The following LAMA1 variants were observed in gnomAD, a reference collection of about 807,000 sequenced individuals.
LAMA1 encodes the protein laminin subunit alpha 1, also known as laminin subunit alpha-1.
A neutral mutation model predicts 348.7 loss-of-function variants in LAMA1; 219 were observed. That is an observed-to-expected ratio of 0.63 (90% confidence interval 0.56 to 0.70). The LOEUF (loss-of-function observed/expected upper bound fraction) is 0.70. Ranked by LOEUF, LAMA1 falls within the 30% of genes least tolerant of loss-of-function variation. The probability of loss-of-function intolerance (pLI) is 0.00; values close to 1 mark genes in which losing one functional copy is unlikely to be tolerated. For missense variants in LAMA1, 3,744 were observed against 3,888.0 expected (o/e 0.96, Z 0.99); for synonymous variants, 1,487 against 1,491.0 (o/e 1.00, Z 0.06).
intron 1 of LAMA1, among the ~76,000 whole-genome samples, chr18:7,109,008 G>A (rs573880066): frequency 6.6e-6 from 1 of 152,184 alleles, no homozygotes; most frequent in African/African-American, 2.4e-5. Flanking sequence ...GAAACCCAAA[G>A]GGTCTGCTTG....
At position 7,017,211 on chromosome 18, in the gene LAMA1, T is replaced by C. The variant is rs1600396134; in HGVS notation, c.2808+67A>G. The C allele has an allele frequency of 3.9e-6, 5 of 1,271,766 alleles. No homozygotes were observed. In the East Asian group the frequency reaches 1.2e-4, roughly 30 times the overall value. 78.8% of individuals were successfully genotyped at this position (1,271,766 alleles called of 1,614,324 possible). Reference sequence around the variant, plus strand: ...CTAATACACTTGGGGACTTAGCTCCTTCTGAGTCATGGATTCAATCGCCTC... The same window carrying C: ...CTAATACACTTGGGGACTTAGCTCCCTCTGAGTCATGGATTCAATCGCCTC... On this transcript the variant is annotated intron_variant, in intron 20 of 62. Coordinates refer to ENST00000389658, the MANE Select transcript of LAMA1 (RefSeq NM_005559.4).
chr18:7,085,047 TTC>T lies in LAMA1; in HGVS notation c.62-4592_62-4591del, dbSNP rs201892293. ...TTTTCCATTTTGGAAAAAAAAAAGT[TTC>T]TGAGTTCTAGAAAATGTTGTATTTG... On this transcript the variant is annotated intron_variant, in intron 1 of 62. Transcript: ENST00000389658. Among the ~76,000 whole-genome samples the T allele has an allele frequency of 8.6e-3, 1,307 of 152,212 alleles. 21 individuals carry two copies. The highest frequency in any genetic ancestry group is 0.03 in the African/African-American group (1,247 of 41,522).
At chr18:7,007,087 A>G in intron 29 of LAMA1, 52 bp downstream of exon 29, 1 of 1,606,926 alleles carries the variant, frequency 6.2e-7, no homozygotes, top group Non-Finnish European at 8.5e-7. Flanking sequence ...TCTGACACTC[A>G]GCGTCCACTT....
chr18:7,006,794 T>C (rs768903791), intron 29 of LAMA1, among the ~76,000 whole-genome samples: 7 of 152,240 alleles, frequency 4.6e-5, no homozygotes, highest in Middle Eastern at 3.4e-3. Flanking sequence ...ATAACTAACA[T>C]AGAAAAGGTA....
At chr18:7,019,613 T>C (rs1392343724) in intron 19 of LAMA1, among the ~76,000 whole-genome samples, 3 of 151,974 alleles carry the variant, frequency 2.0e-5, no homozygotes, top group Admixed American at 6.6e-5. Flanking sequence ...TTAGATAACT[T>C]TCCATAGGTC....
At chr18:7,042,074 T>C in intron 9 of LAMA1, 71 bp downstream of exon 9, 1 of 1,006,462 alleles carries the variant, frequency 9.9e-7, no homozygotes, top group Non-Finnish European at 1.5e-6. Flanking sequence ...TTACCATTAG[T>C]TCCAGTATGT....
At position 7,049,253 on chromosome 18, in the gene LAMA1, T is replaced by A. The variant is rs995545164; in HGVS notation, c.593A>T (p.His198Leu). Residue 198 changes from histidine (H) to leucine (L), a missense_variant, in exon 5 of 63, where the codon CAT (histidine) becomes CTT (leucine). This residue lies in a region of LAMA1 where 1,529 missense variants were observed against 1,689.4 expected (regional missense o/e 0.91). Transcript: ENST00000389658. ...RLVPLEHGEI[H>L]TSLINGRPSA... Reference sequence around the variant, plus strand: ...TGGTCTGCCATTGATGAGTGATGTATGAATCTGAAGATGAAGGCATCAAAA... The same window carrying A: ...TGGTCTGCCATTGATGAGTGATGTAAGAATCTGAAGATGAAGGCATCAAAA... 4 of 1,613,670 alleles carry A rather than the reference T, an allele frequency of 2.5e-6. No homozygotes were observed. The highest frequency in any genetic ancestry group is 3.4e-6 in the Non-Finnish European group (4 of 1,179,680).
Position 7,037,641 on chromosome 18 carries a change from C to G in LAMA1, c.1674G>C (p.Ala558=), listed in dbSNP as rs779404663. 1.6e-5 allele frequency: 26 copies of G among 1,614,020 alleles called. No homozygotes were observed. The highest frequency in any genetic ancestry group is 2.1e-5 in the Non-Finnish European group (25 of 1,180,040). Reference sequence around the variant, plus strand: ...ACTTGGGAGCCAGTCTCTGCATGACCGCGGTGTTGTTGATGCTGACCTGAT... The same window carrying G: ...ACTTGGGAGCCAGTCTCTGCATGACGGCGGTGTTGTTGATGCTGACCTGAT... ...GRHQVSINNT[A]VMQRLAPKYY... The change falls in exon 12 of 63, where the codon GCG becomes GCC. Residue 558 remains alanine, a synonymous_variant. Transcript: ENST00000389658.
rs758330376 is a variant in LAMA1, at chr18:7,038,852, G to A, written c.1521C>T (p.Gly507=). 25 of 1,614,052 alleles carry A rather than the reference G, an allele frequency of 1.5e-5. No individual in the cohort carries two copies. In the East Asian group the frequency reaches 4.5e-4, roughly 29 times the overall value. Reference sequence around the variant, plus strand: ...AGAGGCTGCTGCAGACATCAGAAACGCCAAAGCAGAAGCACTCGGAGCAGC... The same window carrying A: ...AGAGGCTGCTGCAGACATCAGAAACACCAAAGCAGAAGCACTCGGAGCAGC... The part of the protein sequence containing the change: ...PRGCSECFCF[G]VSDVCSSLSW... The change falls in exon 11 of 63, where the codon GGC becomes GGT. Residue 507 remains glycine (G), a synonymous_variant. Transcript: ENST00000389658.
At position 7,002,348 on chromosome 18, in the gene LAMA1, A is replaced by G. The variant is rs1257306214; in HGVS notation, c.4298T>C (p.Val1433Ala). 3 of 1,613,744 alleles carry G rather than the reference A, an allele frequency of 1.9e-6. No individual in the cohort carries two copies. The highest frequency in any genetic ancestry group is 2.5e-6 in the Non-Finnish European group (3 of 1,180,036). Residue 1433 changes from valine (V) to alanine (A), a missense_variant, in exon 30 of 63, where the codon GTG (valine) becomes GCG (alanine). Around this residue, in one of 3 missense-constraint regions of LAMA1, gnomAD observed 1,983 missense variants for 1,934.3 expected, o/e 1.03. Transcript: ENST00000389658. ...GDNTAGDHCD[V>A]CTSGYYGKVT... is the part of the protein sequence containing the mutation. ...CTTCCCGTAGTAGCCAGAAGTACAC[A>G]CATCACAATGGTCACCTGCTGTGTT... is the stretch of plus-strand genomic sequence containing the variant.
chr18:6,978,003 T>C lies in LAMA1; in HGVS notation c.6191-122A>G, dbSNP rs139349472. The C allele has an allele frequency of 6.6e-5, 85 of 1,296,526 alleles. No individual in the cohort carries two copies. In the East Asian group the frequency reaches 1.6e-3, roughly 25 times the overall value. 80.3% of individuals were successfully genotyped at this position (1,296,526 alleles called of 1,614,324 possible). On this transcript the variant is annotated intron_variant, in intron 43 of 62. Coordinates refer to ENST00000389658, the MANE Select transcript of LAMA1 (RefSeq NM_005559.4). ...CACCCTAACAATCAAAGCCATGACA[T>C]TGTGGTACAAAGATGAAAACTGCAC...
rs1480319516 is a variant in LAMA1, at chr18:7,030,736, A to G, written c.2274+1330T>C. Among the ~76,000 whole-genome samples, 8 of 152,218 alleles carry G rather than the reference A, an allele frequency of 5.3e-5. 1 individual carries two copies. The highest frequency in any genetic ancestry group is 3.9e-4 in the East Asian group (2 of 5,190). ...AGCATTATCACTTTAATGTGAATAT[A>G]TATTTGTAAACATACATTAATGGAA... On this transcript the variant is annotated intron_variant, in intron 16 of 62. Coordinates refer to ENST00000389658, the MANE Select transcript of LAMA1 (RefSeq NM_005559.4).
At position 6,974,519 on chromosome 18, in the gene LAMA1, C is replaced by T. The variant is rs369993527; in HGVS notation, c.6623+384G>A. On this transcript the variant is annotated intron_variant, in intron 46 of 62. Coordinates refer to ENST00000389658, the MANE Select transcript of LAMA1 (RefSeq NM_005559.4). ...TTGCCCAGGCTGGAGTGCAGTGGTA[C>T]GACCTCCACTCACTGCAACCTCCAC... Among the ~76,000 whole-genome samples, 11 of 144,434 alleles carry T rather than the reference C, an allele frequency of 7.6e-5. No individual in the cohort carries two copies. In the East Asian group the frequency reaches 8.1e-4, roughly 11 times the overall value. 94.8% of individuals were successfully genotyped at this position (144,434 alleles called of 152,430 possible).
At chr18:6,982,183 A>G (rs2057714742) in intron 41 of LAMA1, among the ~76,000 whole-genome samples, 1 of 152,202 alleles carries the variant, frequency 6.6e-6, no homozygotes, top group African/African-American at 2.4e-5. Context: ...AGATAACCCA[A>G]CAGACACTAG....
chr18:6,969,449 T>G (rs568324973), intron 48 of LAMA1, among the ~76,000 whole-genome samples: 1 of 152,182 alleles, frequency 6.6e-6, no homozygotes, highest in Admixed American at 6.5e-5. Flanking sequence ...AATTAAAGGC[T>G]CCGATGGCCT....
chr18:7,073,444 C>A (rs575084299), intron 3 of LAMA1, among the ~76,000 whole-genome samples: 1 of 152,150 alleles, frequency 6.6e-6, no homozygotes, highest in Non-Finnish European at 1.5e-5. Context: ...GCAACCACCC[C>A]GCTCCACTTT....
chr18:7,032,293 T>C (rs2057973782), intron 15 of LAMA1, 117 bp from the exon 16 acceptor site: 2 of 724,858 alleles, frequency 2.8e-6, no homozygotes, highest in South Asian at 1.5e-5. Flanking sequence ...ATCATTTACA[T>C]GCTACACAAT....
chr18:6,989,122 A>ACAAAATCCC, intron 36 of LAMA1, among the ~76,000 whole-genome samples: 1 of 152,296 alleles, frequency 6.6e-6, no homozygotes, highest in Non-Finnish European at 1.5e-5. Context: ...TACAGCTCCA[A>ACAAAATCCC]CAAAATCCCT....
intron 50 of LAMA1, 43 bp downstream of exon 50, chr18:6,965,245 T>C (rs779332615): frequency 2.9e-5 from 46 of 1,613,082 alleles, no homozygotes; most frequent in Non-Finnish European, 3.8e-5. Flanking sequence ...TTTCTATTCT[T>C]ATGAGGGTGA....
Sources: allele counts gnomAD v4.1 joint callset (sites outside exome capture counted in the v4.1 genomes callset), GRCh38; gene constraint gnomAD v4.1.1; regional missense constraint gnomAD v4.1.1; transcripts MANE v1.5; gene names NCBI Gene and HGNC (gene_info 2026-07-23, HGNC 2026-07-21).